ZBTB20: variants seen among roughly 807,000 people sequenced by gnomAD.
The protein encoded by ZBTB20 is zinc finger and BTB domain-containing protein 20.
A neutral mutation model predicts 56.9 loss-of-function variants in ZBTB20; 9 were observed. The observed-to-expected ratio is 0.16, with a 90% confidence interval of 0.10 to 0.28. The LOEUF is 0.28. ZBTB20 is among the 10% of genes least tolerant of loss of function. The probability of loss-of-function intolerance (pLI) is 1.00; values close to 1 mark genes in which losing one functional copy is unlikely to be tolerated. For missense variants in ZBTB20, 655 were observed against 1,003.0 expected (o/e 0.65, Z 4.69); for synonymous variants, 417 against 420.7 (o/e 0.99, Z 0.11).
At chr3:114,753,415 A>ATATATATATATATACACACG (rs1553809151) in intron 5 of ZBTB20, among the ~76,000 whole-genome samples, 2 of 21,420 alleles carry the variant, frequency 9.3e-5, no homozygotes, top group Admixed American at 1.1e-3. Flanking sequence ...ACACACACGT[A>ATATATATATATATACACACG]TATATATATA....
At chr3:114,846,388 G>T (rs1209103842) in intron 4 of ZBTB20, among the ~76,000 whole-genome samples, 2 of 152,138 alleles carry the variant, frequency 1.3e-5, no homozygotes, top group Non-Finnish European at 2.9e-5. Context: ...GAAAACTCGA[G>T]AGCATAGGTG....
At chr3:114,636,928 A>AG (rs1382582919) in intron 6 of ZBTB20, among the ~76,000 whole-genome samples, 2 of 38,492 alleles carry the variant, frequency 5.2e-5, no homozygotes, top group African/African-American at 2.2e-4. Flanking sequence ...AACAACAACA[A>AG]AAAACAACAA....
intron 6 of ZBTB20, among the ~76,000 whole-genome samples, chr3:114,601,678 G>T (rs1007482675): frequency 8.6e-5 from 13 of 151,962 alleles, no homozygotes; most frequent in African/African-American, 3.1e-4. Context: ...TAAGGAAGAA[G>T]ATTGCATATT....
chr3:114,944,293 C>G (rs2076816099), intron 3 of ZBTB20, among the ~76,000 whole-genome samples: 1 of 145,712 alleles, frequency 6.9e-6, no homozygotes, highest in Non-Finnish European at 1.5e-5. Context: ...CACCTCACAC[C>G]TGTTAGAAAG....
intron 10 of ZBTB20, among the ~76,000 whole-genome samples, chr3:114,377,321 A>AC (rs2083763382): frequency 6.6e-6 from 1 of 152,216 alleles, no homozygotes; most frequent in Non-Finnish European, 1.5e-5. Flanking sequence ...AAAGCAACAT[A>AC]CATTTTAGCA....
intron 5 of ZBTB20, among the ~76,000 whole-genome samples, chr3:114,795,153 T>C (rs1394681828): frequency 6.6e-6 from 1 of 152,100 alleles, no homozygotes; most frequent in African/African-American, 2.4e-5. Context: ...ATGTTTTGAA[T>C]TATAAGACCT....
chr3:115,005,316 A>G (rs2079419135), intron 2 of ZBTB20, among the ~76,000 whole-genome samples: 1 of 151,572 alleles, frequency 6.6e-6, no homozygotes, highest in Non-Finnish European at 1.5e-5. Flanking sequence ...ATTTGTATTT[A>G]TTTGTATAAA....
chr3:114,492,819 A>T (rs765584585), intron 7 of ZBTB20, among the ~76,000 whole-genome samples: 1 of 152,262 alleles, frequency 6.6e-6, no homozygotes, highest in African/African-American at 2.4e-5. Context: ...GTAGTACAAT[A>T]TCACAATCAG....
At chr3:114,963,458 CATT>C (rs2077530430) in intron 3 of ZBTB20, among the ~76,000 whole-genome samples, 1 of 152,074 alleles carries the variant, frequency 6.6e-6, no homozygotes, top group Non-Finnish European at 1.5e-5. Flanking sequence ...TCAGTTGAAA[CATT>C]ATTAAACAAA....
At chr3:114,771,808 A>ACC (rs1359009156) in intron 5 of ZBTB20, among the ~76,000 whole-genome samples, 11 of 152,134 alleles carry the variant, frequency 7.2e-5, no homozygotes, top group African/African-American at 2.7e-4. Context: ...TTATCTAAAG[A>ACC]TGTATTTCTG....
chr3:114,825,713 T>C (rs6803266), intron 4 of ZBTB20, among the ~76,000 whole-genome samples: 1,918 of 151,990 alleles, frequency 0.013, 46 homozygotes, highest in African/African-American at 0.043. Flanking sequence ...ACAGATAACA[T>C]TGATTTACGT....
At chr3:115,087,545 C>T (rs749133229) in intron 1 of ZBTB20, among the ~76,000 whole-genome samples, 79 of 151,886 alleles carry the variant, frequency 5.2e-4, no homozygotes, top group Middle Eastern at 3.4e-3. Flanking sequence ...GGAAAGAAAA[C>T]GTGAGTAGGG....
At chr3:115,032,874 A>C (rs977849811) in intron 2 of ZBTB20, among the ~76,000 whole-genome samples, 1 of 150,046 alleles carries the variant, frequency 6.7e-6, no homozygotes, top group Admixed American at 6.6e-5. Context: ...AGGAGTGCTA[A>C]GGGGAAAGTT....
chr3:114,788,429 G>C (rs2070710566), intron 5 of ZBTB20, among the ~76,000 whole-genome samples: 1 of 152,022 alleles, frequency 6.6e-6, no homozygotes, highest in Admixed American at 6.6e-5. Flanking sequence ...ACTATACTAG[G>C]TACTTACTCG....
chr3:114,988,507 A>G (rs2078653958), intron 2 of ZBTB20, among the ~76,000 whole-genome samples: 1 of 151,944 alleles, frequency 6.6e-6, no homozygotes, highest in Non-Finnish European at 1.5e-5. Context: ...TCATTGATGG[A>G]CATTTGGGTT....
At chr3:114,409,626 C>G (rs1268861539) in intron 7 of ZBTB20, among the ~76,000 whole-genome samples, 2 of 151,906 alleles carry the variant, frequency 1.3e-5, no homozygotes, top group Non-Finnish European at 2.9e-5. Context: ...AGCTATAATT[C>G]TGGGAGTTTG....
At chr3:114,383,489 C>T (rs2084653400) in intron 8 of ZBTB20, 1 of 152,218 alleles carries the variant, frequency 6.6e-6, no homozygotes, top group African/African-American at 2.4e-5. Context: ...CCTCCTGTTG[C>T]CTCAGTGATC....
intron 2 of ZBTB20, among the ~76,000 whole-genome samples, chr3:115,023,378 TG>T: frequency 6.6e-6 from 1 of 151,070 alleles, no homozygotes; most frequent in East Asian, 1.9e-4. Flanking sequence ...TCTCTTTTTT[TG>T]TTTTGTTTTT....
At chr3:114,811,379 T>C (rs1334730003) in intron 4 of ZBTB20, among the ~76,000 whole-genome samples, 1 of 152,196 alleles carries the variant, frequency 6.6e-6, no homozygotes, top group Admixed American at 6.5e-5. Context: ...TACATGATGA[T>C]CCACAATAAA....
Sources: allele counts gnomAD v4.1 joint callset (sites outside exome capture counted in the v4.1 genomes callset), GRCh38; gene constraint gnomAD v4.1.1; transcripts MANE v1.5; gene names NCBI Gene and HGNC (gene_info 2026-07-23, HGNC 2026-07-21).